MEMO1: variants seen among roughly 807,000 people sequenced by gnomAD.
The protein encoded by MEMO1 is protein MEMO1.
A neutral mutation model predicts 45.2 loss-of-function variants in MEMO1; 6 were observed. The ratio of observed to expected loss-of-function variants is 0.13; its 90% CI spans 0.07 to 0.26. The LOEUF (loss-of-function observed/expected upper bound fraction) is 0.26. MEMO1 is among the 10% of genes least tolerant of loss of function. The pLI is 1.00. For synonymous variants in MEMO1, 78 were observed against 124.3 expected (o/e 0.63, Z 2.48); for missense variants, 184 against 370.5 (o/e 0.50, Z 4.13).
intron 5 of MEMO1, among the ~76,000 whole-genome samples, chr2:31,919,076 A>G (rs1337594955): frequency 2.0e-5 from 3 of 151,910 alleles, no homozygotes; most frequent in Admixed American, 6.6e-5. Flanking sequence ...CAAAAATAAG[A>G]AAGAAGAATT....
chr2:31,897,089 T>A (rs553912871), intron 6 of MEMO1, among the ~76,000 whole-genome samples: 1 of 152,352 alleles, frequency 6.6e-6, no homozygotes, highest in African/African-American at 2.4e-5. Flanking sequence ...GAGACTTCAC[T>A]GAAGTTGCTT....
intron 2 of MEMO1, among the ~76,000 whole-genome samples, chr2:31,969,633 GTT>G (rs1418031353): frequency 3.1e-5 from 4 of 128,984 alleles, no homozygotes; most frequent in African/African-American, 5.8e-5. Context: ...GTGTGTGTGT[GTT>G]TAAGACAGGC....
At chr2:31,976,949 AAGCACC>A (rs1670071960) in intron 2 of MEMO1, among the ~76,000 whole-genome samples, 1 of 152,188 alleles carries the variant, frequency 6.6e-6, no homozygotes, top group African/African-American at 2.4e-5. Flanking sequence ...AACTACAAAA[AAGCACC>A]AGCAACAGCC....
At chr2:31,950,352 G>T (rs1412582153) in intron 2 of MEMO1, among the ~76,000 whole-genome samples, 1 of 150,756 alleles carries the variant, frequency 6.6e-6, no homozygotes, top group African/African-American at 2.4e-5. Flanking sequence ...CTGAACTCCA[G>T]CCTGGGCAGC....
At chr2:31,880,508 G>C (rs1448524291) in intron 8 of MEMO1, among the ~76,000 whole-genome samples, 7 of 152,096 alleles carry the variant, frequency 4.6e-5, no homozygotes, top group Admixed American at 4.6e-4. Context: ...TTCAAATCCA[G>C]ATTCCTTACT....
chr2:31,988,399 T>C (rs531343338), intron 2 of MEMO1, among the ~76,000 whole-genome samples: 1 of 151,370 alleles, frequency 6.6e-6, no homozygotes, highest in Non-Finnish European at 1.5e-5. Flanking sequence ...ATACAGAAAT[T>C]AGCTGGGCGT....
At chr2:31,895,353 C>T (rs893035202) in intron 6 of MEMO1, among the ~76,000 whole-genome samples, 26 of 151,924 alleles carry the variant, frequency 1.7e-4, no homozygotes, top group African/African-American at 4.8e-4. Flanking sequence ...ATTATATATT[C>T]AAAGAACTAC....
chr2:31,921,874 T>G (rs1006724165), intron 4 of MEMO1, among the ~76,000 whole-genome samples: 1 of 152,124 alleles, frequency 6.6e-6, no homozygotes, highest in Non-Finnish European at 1.5e-5. Flanking sequence ...CACTGTAGTC[T>G]AAAGAAAAGA....
At chr2:31,993,949 C>CCTTTTTTTT (rs1672251581) in intron 2 of MEMO1, among the ~76,000 whole-genome samples, 1 of 73,556 alleles carries the variant, frequency 1.4e-5, no homozygotes, top group African/African-American at 4.9e-5. Flanking sequence ...TCAATACTTT[C>CCTTTTTTTT]TTTTTTTTTT....
At chr2:31,994,737 C>T (rs1247827524) in intron 2 of MEMO1, among the ~76,000 whole-genome samples, 3 of 151,912 alleles carry the variant, frequency 2.0e-5, no homozygotes, top group Non-Finnish European at 2.9e-5. Context: ...CACTTGAGCC[C>T]AGGAGTTGGA....
chr2:31,939,109 CA>C (rs34125983), intron 3 of MEMO1, among the ~76,000 whole-genome samples: 130,881 of 144,852 alleles, frequency 0.9, 59,074 homozygotes, highest in East Asian at 0.99. Context: ...TTTTCTACCT[CA>C]AAAAAAAAAA....
chr2:31,951,687 C>T (rs1223670670), intron 2 of MEMO1, among the ~76,000 whole-genome samples: 2 of 152,084 alleles, frequency 1.3e-5, no homozygotes, highest in Non-Finnish European at 2.9e-5. Flanking sequence ...TGCCTGCCAC[C>T]GCACCCGGCT....
At chr2:31,996,484 T>G (rs538024528) in intron 2 of MEMO1, among the ~76,000 whole-genome samples, 3 of 151,604 alleles carry the variant, frequency 2.0e-5, no homozygotes, top group African/African-American at 7.3e-5. Context: ...GCGGAGGTTG[T>G]AGTGAGCTGA....
intron 6 of MEMO1, among the ~76,000 whole-genome samples, chr2:31,899,296 T>C (rs1395084494): frequency 6.6e-6 from 1 of 152,142 alleles, no homozygotes; most frequent in Non-Finnish European, 1.5e-5. Context: ...ACTACAAGGC[T>C]ACAGTAACCA....
At chr2:31,898,056 T>G (rs1273281966) in intron 6 of MEMO1, among the ~76,000 whole-genome samples, 1 of 152,070 alleles carries the variant, frequency 6.6e-6, no homozygotes, top group Non-Finnish European at 1.5e-5. Flanking sequence ...GGATCAGTGG[T>G]GATATCCTCT....
intron 6 of MEMO1, among the ~76,000 whole-genome samples, chr2:31,916,669 A>G (rs1407397283): frequency 6.6e-6 from 1 of 152,234 alleles, no homozygotes; most frequent in Admixed American, 6.5e-5. Flanking sequence ...AGTAATATAT[A>G]TGGTTTCACA....
chr2:31,877,201 C>T lies in MEMO1; in HGVS notation c.657+6185G>A, dbSNP rs568963615. On this transcript the variant is annotated intron_variant, in intron 8 of 9. Coordinates refer to ENST00000404530, the MANE Select transcript of MEMO1 (RefSeq NM_001301833.4). ...AAAGTCCCTGTTCTCATGAAGCTTA[C>T]GTAATCCAGTGAGGGAGATAACCCC... 3.9e-5 allele frequency among the ~76,000 whole-genome samples: 6 copies of T among 152,280 alleles called. No individual in the cohort carries two copies. The South Asian group carries it at 8.3e-4, about 21-fold the overall frequency.
At chr2:31,929,868 T>G (rs188870844) in intron 4 of MEMO1, among the ~76,000 whole-genome samples, 92 of 152,340 alleles carry the variant, frequency 6.0e-4, no homozygotes, top group Non-Finnish European at 1.1e-3. Flanking sequence ...AGTGCCTCTT[T>G]CAAGAGAATT....
At chr2:32,007,791 C>A (rs1250580550) in intron 2 of MEMO1, among the ~76,000 whole-genome samples, 1 of 152,146 alleles carries the variant, frequency 6.6e-6, no homozygotes, top group South Asian at 2.1e-4. Flanking sequence ...GGTACACTGA[C>A]AAATATTAAA....
Sources: gnomAD v4.1 joint callset for allele counts (sites outside exome capture counted in the v4.1 genomes callset) on GRCh38, gnomAD v4.1.1 for gene constraint, MANE v1.5 for transcripts, NCBI Gene and HGNC (gene_info 2026-07-23, HGNC 2026-07-21) for gene names.